The following IDNK variants were observed in gnomAD, a reference collection of about 807,000 sequenced individuals.
IDNK encodes the protein IDNK gluconokinase, also known as gluconokinase.
In IDNK, 9 loss-of-function variants were observed where a neutral mutation model predicts 13.0. The ratio of observed to expected loss-of-function variants is 0.69; its 90% CI spans 0.42 to 1.21. The LOEUF is 1.21. Ranked by LOEUF, IDNK falls within the 50% of genes most tolerant of loss-of-function variation. The probability of loss-of-function intolerance (pLI) is 0.00; values close to 1 mark genes in which losing one functional copy is unlikely to be tolerated. For synonymous variants in IDNK, 92 were observed against 94.9 expected, an observed-to-expected ratio of 0.97 and a Z score of 0.18; for missense variants, 210 against 237.8, an observed-to-expected ratio of 0.88 and a Z score of 0.77.
In IDNK at chr9:83,643,708, T is replaced by C. The variant is rs763164622; in HGVS notation, c.492T>C (p.Phe164=). 5 of 1,614,042 alleles carry C rather than the reference T, an allele frequency of 3.1e-6. No individual in the cohort carries two copies. The South Asian group carries it at 5.5e-5, about 18-fold the overall frequency. ...AGCCCCCAGCAGCTCCAGAAAACTT[T>C]ATCCAAATAAGTGTGGACAAAAATG... ...TLEPPAAPEN[F]IQISVDKNVS... The change falls in exon 5 of 5, where the codon TTT becomes TTC. Residue 164 remains phenylalanine, a synonymous_variant. Transcript: ENST00000376419.
At chr9:83,623,279 C>T in intron 1 of IDNK, 58 bp downstream of exon 1, 1 of 1,334,854 alleles carries the variant, frequency 7.5e-7, no homozygotes. Flanking sequence ...GCGGCGGAGG[C>T]CGGACGCGTC....
intron 3 of IDNK, among the ~76,000 whole-genome samples, chr9:83,631,605 C>G (rs1007141153): frequency 1.3e-5 from 2 of 151,956 alleles, no homozygotes; most frequent in African/African-American, 4.8e-5. Flanking sequence ...GAGTGAGACC[C>G]TGTCTGAAAA....
intron 4 of IDNK, among the ~76,000 whole-genome samples, chr9:83,642,796 TCTGC>T (rs997974317): frequency 6.6e-6 from 1 of 152,188 alleles, no homozygotes; most frequent in African/African-American, 2.4e-5. Context: ...TGCTGCTGTG[TCTGC>T]CTCTGTTTCT....
intron 3 of IDNK, among the ~76,000 whole-genome samples, chr9:83,632,051 T>A (rs57786992): frequency 0.084 from 12,775 of 152,052 alleles, 1,706 homozygotes; most frequent in African/African-American, 0.29. Context: ...TACTAAAAAA[T>A]TTTTTCACAA....
intron 3 of IDNK, among the ~76,000 whole-genome samples, chr9:83,631,711 A>G (rs1160519444): frequency 1.3e-5 from 2 of 152,220 alleles, no homozygotes; most frequent in Non-Finnish European, 1.5e-5. Flanking sequence ...ATGAGTGGCT[A>G]CTGGCTACCT....
chr9:83,637,010 A>G (rs984669249), intron 3 of IDNK, among the ~76,000 whole-genome samples: 2 of 152,244 alleles, frequency 1.3e-5, no homozygotes, highest in Admixed American at 1.3e-4. Flanking sequence ...GTGCTAACAT[A>G]AACAGATGTT....
intron 3 of IDNK, among the ~76,000 whole-genome samples, chr9:83,630,973 G>C (rs1830993546): frequency 2.0e-5 from 3 of 152,150 alleles, no homozygotes; most frequent in Admixed American, 2.0e-4. Context: ...GAGAGATAAG[G>C]AGGTAGAACG....
At chr9:83,625,102 A>C (rs1830814522) in intron 1 of IDNK, among the ~76,000 whole-genome samples, 1 of 152,232 alleles carries the variant, frequency 6.6e-6, no homozygotes, top group Non-Finnish European at 1.5e-5. Flanking sequence ...GAAACAATGC[A>C]GGTAAAGAGA....
chr9:83,629,608 T>C (rs1048952566), intron 3 of IDNK, among the ~76,000 whole-genome samples: 2 of 152,216 alleles, frequency 1.3e-5, no homozygotes, highest in Admixed American at 6.5e-5. Flanking sequence ...GAGCTAGCCC[T>C]TCTCATCCTT....
intron 1 of IDNK, chr9:83,626,675 C>T: frequency 7.9e-7 from 1 of 1,273,024 alleles, no homozygotes; most frequent in South Asian, 1.3e-5. Flanking sequence ...CCTCAGCCTC[C>T]CAAAGTGCTG....
At chr9:83,640,077 C>G (rs1286478214) in intron 3 of IDNK, among the ~76,000 whole-genome samples, 1 of 152,064 alleles carries the variant, frequency 6.6e-6, no homozygotes. Context: ...AGTGTGGTCT[C>G]TTCCTGCCAT....
At chr9:83,632,646 C>T (rs1486497680) in intron 3 of IDNK, among the ~76,000 whole-genome samples, 1 of 151,816 alleles carries the variant, frequency 6.6e-6, no homozygotes, top group Non-Finnish European at 1.5e-5. Flanking sequence ...CATTCAAAGC[C>T]GCAGTAGGGT....
At chr9:83,627,919 C>G in intron 1 of IDNK, 2 of 620,648 alleles carry the variant, frequency 3.2e-6, no homozygotes, top group Non-Finnish European at 2.1e-6. Flanking sequence ...GAAGAAAAAA[C>G]TTGGGTTTAA....
At chr9:83,631,268 G>C (rs1831004422) in intron 3 of IDNK, among the ~76,000 whole-genome samples, 2 of 151,898 alleles carry the variant, frequency 1.3e-5, no homozygotes, top group Admixed American at 1.3e-4. Flanking sequence ...TTTGTGTTCG[G>C]AGGGCTCAGA....
intron 1 of IDNK, among the ~76,000 whole-genome samples, chr9:83,623,964 C>T (rs975778037): frequency 3.9e-5 from 6 of 152,272 alleles, no homozygotes; most frequent in Admixed American, 3.9e-4. Flanking sequence ...ACTTGATCAG[C>T]TAAAACATCA....
chr9:83,636,139 A>C (rs942277287), intron 3 of IDNK, among the ~76,000 whole-genome samples: 4 of 152,230 alleles, frequency 2.6e-5, no homozygotes, highest in Non-Finnish European at 4.4e-5. Flanking sequence ...GGGGAATAAG[A>C]GAAAGAAAGG....
At chr9:83,623,379 C>T in intron 1 of IDNK, 158 bp downstream of exon 1, 1 of 684,280 alleles carries the variant, frequency 1.5e-6, no homozygotes, top group Non-Finnish European at 2.4e-6. Context: ...GCCGCGCCCT[C>T]TCCCCGCCCT....
intron 3 of IDNK, among the ~76,000 whole-genome samples, chr9:83,640,893 G>A (rs1271138669): frequency 6.6e-6 from 1 of 152,178 alleles, no homozygotes; most frequent in Non-Finnish European, 1.5e-5. Context: ...GGTTTGCTTT[G>A]TACTATTTTG....
At chr9:83,634,273 A>G (rs538495336) in intron 3 of IDNK, among the ~76,000 whole-genome samples, 7 of 152,182 alleles carry the variant, frequency 4.6e-5, no homozygotes, top group Non-Finnish European at 1.0e-4. Context: ...ATGGTCATTA[A>G]TCTGGTCTGC....
Sources: gnomAD v4.1 joint callset for allele counts (sites outside exome capture counted in the v4.1 genomes callset) on GRCh38, gnomAD v4.1.1 for gene constraint, MANE v1.5 for transcripts, NCBI Gene and HGNC (gene_info 2026-07-23, HGNC 2026-07-21) for gene names.